Variants in PLCL1 observed in about 807,000 individuals in gnomAD.
The protein encoded by PLCL1 is phospholipase C like 1 (inactive), also known as inactive phospholipase C-like protein 1.
Under a neutral mutation model 84.4 loss-of-function variants are expected in PLCL1, and 41 were observed. That is an observed-to-expected ratio of 0.49 (90% CI 0.38 to 0.63). The LOEUF is 0.63. PLCL1 is among the 30% of genes least tolerant of loss of function. PLCL1 has a pLI of 0.00. For missense variants in PLCL1, 1,206 were observed against 1,367.8 expected (o/e 0.88, Z 1.87); for synonymous variants, 490 against 488.3 (o/e 1.00, Z -0.05).
chr2:197,822,837 T>C (rs1011597679), intron 1 of PLCL1, among the ~76,000 whole-genome samples: 7 of 152,118 alleles, frequency 4.6e-5, no homozygotes, highest in Non-Finnish European at 7.4e-5. Flanking sequence ...TCAGGAGAAT[T>C]GTTTTTCTGG....
chr2:198,102,203 CA>C (rs1273699143), intron 4 of PLCL1, among the ~76,000 whole-genome samples: 4 of 151,976 alleles, frequency 2.6e-5, no homozygotes, highest in African/African-American at 9.7e-5. Flanking sequence ...ACAGGAAGCA[CA>C]AAAATAATAA....
intron 1 of PLCL1, among the ~76,000 whole-genome samples, chr2:197,994,193 A>G (rs10177758): frequency 0.48 from 73,018 of 151,960 alleles, 17,958 homozygotes; most frequent in Middle Eastern, 0.59. Flanking sequence ...ACTTTCTCCA[A>G]ATAGTCTTCT....
Position 197,992,671 on chromosome 2 carries a change from C to T in PLCL1, c.241-91087C>T, listed in dbSNP as rs149270216. ...AACTTTTTCATTTCCCCATACTGAACGCTGAAACTGTACTCATTAAACACT... is the reference window on the plus strand; with the variant it reads ...AACTTTTTCATTTCCCCATACTGAATGCTGAAACTGTACTCATTAAACACT... On this transcript the variant is annotated intron_variant, in intron 1 of 5. Transcript: ENST00000428675. Among the ~76,000 whole-genome samples the T allele has an allele frequency of 6.3e-4, 96 of 152,286 alleles. 3 individuals carry two copies. In the South Asian group the frequency reaches 0.013, roughly 21 times the overall value.
chr2:198,007,339 C>A (rs1394958065), intron 1 of PLCL1, among the ~76,000 whole-genome samples: 1 of 152,072 alleles, frequency 6.6e-6, no homozygotes, highest in Non-Finnish European at 1.5e-5. Context: ...CCCCACCCCC[C>A]TCTTGTTTGT....
At chr2:197,926,497 C>A (rs894356142) in intron 1 of PLCL1, among the ~76,000 whole-genome samples, 2 of 152,150 alleles carry the variant, frequency 1.3e-5, no homozygotes, top group African/African-American at 4.8e-5. Context: ...TATGAGCTTT[C>A]AAACTCAAAT....
At chr2:197,982,800 G>C (rs987763394) in intron 1 of PLCL1, among the ~76,000 whole-genome samples, 3 of 152,166 alleles carry the variant, frequency 2.0e-5, no homozygotes, top group African/African-American at 7.2e-5. Context: ...AAGCCTTGGA[G>C]GACCTCGCAT....
chr2:198,070,719 C>T (rs1338984167), intron 1 of PLCL1, among the ~76,000 whole-genome samples: 2 of 151,740 alleles, frequency 1.3e-5, no homozygotes, highest in Admixed American at 6.6e-5. Context: ...AGCCCTTGAA[C>T]TCCTGGGCTC....
At position 198,058,095 on chromosome 2, in the gene PLCL1, A is replaced by G. The variant is rs372723185; in HGVS notation, c.241-25663A>G. Among the ~76,000 whole-genome samples, 2 of 152,174 alleles carry G rather than the reference A, an allele frequency of 1.3e-5. 1 individual carries two copies. The highest frequency in any genetic ancestry group is 3.9e-4 in the East Asian group (2 of 5,186). ...GAAAACTGGTTTTCGAACTGCAGAT[A>G]TAGTATGATGGTATTTTTGTAGTTG... On this transcript the variant is annotated intron_variant, in intron 1 of 5. Transcript: ENST00000428675.
At chr2:198,130,960 T>C (rs1353211088) in intron 5 of PLCL1, among the ~76,000 whole-genome samples, 1 of 152,166 alleles carries the variant, frequency 6.6e-6, no homozygotes, top group Non-Finnish European at 1.5e-5. Flanking sequence ...CTTCCAGGGC[T>C]TCCCACAGCT....
At position 197,933,598 on chromosome 2, in the gene PLCL1, A is replaced by G. The variant is rs550271791; in HGVS notation, c.240+128259A>G. Among the ~76,000 whole-genome samples, 20 of 152,284 alleles carry G rather than the reference A, an allele frequency of 1.3e-4. No homozygotes were observed. The South Asian group carries it at 4.1e-3, about 32-fold the overall frequency. ...GAAAAGGCTGTGATATTTGGGCAAA[A>G]TGAGGGTAATTGGTGAATTGACTAT... On this transcript the variant is annotated intron_variant, in intron 1 of 5. Coordinates refer to ENST00000428675, the MANE Select transcript of PLCL1 (RefSeq NM_006226.4).
intron 5 of PLCL1, among the ~76,000 whole-genome samples, chr2:198,109,767 A>G (rs1389257969): frequency 6.6e-6 from 1 of 151,866 alleles, no homozygotes; most frequent in East Asian, 1.9e-4. Context: ...AATTAGAAAG[A>G]ACCCAAGGGG....
At chr2:197,849,226 G>T (rs903912807) in intron 1 of PLCL1, among the ~76,000 whole-genome samples, 2 of 152,098 alleles carry the variant, frequency 1.3e-5, no homozygotes, top group African/African-American at 4.8e-5. Flanking sequence ...TGTCATATGT[G>T]TAATTGAAAG....
At position 198,019,358 on chromosome 2, in the gene PLCL1, T is replaced by C. The variant is rs558814320; in HGVS notation, c.241-64400T>C. Among the ~76,000 whole-genome samples, 4 of 152,204 alleles carry C rather than the reference T, an allele frequency of 2.6e-5. No individual in the cohort carries two copies. The East Asian group carries it at 7.7e-4, about 29-fold the overall frequency. On this transcript the variant is annotated intron_variant, in intron 1 of 5. Transcript: ENST00000428675. ...AAGGATTACAACTCCTTGCCAGGAA[T>C]GGGAACAAAACTGGATGGAGAATGA...
At position 197,810,899 on chromosome 2, in the gene PLCL1, C is replaced by T. The variant is rs74662056; in HGVS notation, c.240+5560C>T. ...AAAAAACTATCCGACTTTAGATGAC[C>T]AGACAGAGCTAAGAGGCAGGATCTC... On this transcript the variant is annotated intron_variant, in intron 1 of 5. Transcript: ENST00000428675. 6.3e-3 allele frequency among the ~76,000 whole-genome samples: 956 copies of T among 152,202 alleles called. 16 individuals carry two copies. The highest frequency in any genetic ancestry group is 0.022 in the African/African-American group (894 of 41,544).
At chr2:198,044,260 C>T (rs1346916490) in intron 1 of PLCL1, among the ~76,000 whole-genome samples, 1 of 152,156 alleles carries the variant, frequency 6.6e-6, no homozygotes, top group African/African-American at 2.4e-5. Flanking sequence ...TGAACTCAAC[C>T]TTGGGTTTCT....
At chr2:197,847,146 C>T (rs965386926) in intron 1 of PLCL1, among the ~76,000 whole-genome samples, 4 of 152,022 alleles carry the variant, frequency 2.6e-5, no homozygotes, top group African/African-American at 9.7e-5. Context: ...ACTGTAGAAA[C>T]CTGTGATTGT....
intron 1 of PLCL1, among the ~76,000 whole-genome samples, chr2:197,881,325 A>T (rs1687823421): frequency 6.6e-6 from 1 of 152,162 alleles, no homozygotes; most frequent in South Asian, 2.1e-4. Flanking sequence ...TTCACTAATC[A>T]GATTTTTATC....
At chr2:197,840,829 G>C (rs1420108776) in intron 1 of PLCL1, among the ~76,000 whole-genome samples, 1 of 152,132 alleles carries the variant, frequency 6.6e-6, no homozygotes, top group African/African-American at 2.4e-5. Context: ...AGTTGAGGGA[G>C]ATGGCCTACT....
chr2:197,834,542 G>A (rs183790749), intron 1 of PLCL1, among the ~76,000 whole-genome samples: 258 of 152,268 alleles, frequency 1.7e-3, no homozygotes, highest in Non-Finnish European at 2.1e-3. Context: ...ACAAACATAC[G>A]AATAAAAGCC....
Sources: allele counts gnomAD v4.1 joint callset (sites outside exome capture counted in the v4.1 genomes callset), GRCh38; gene constraint gnomAD v4.1.1; transcripts MANE v1.5; gene names NCBI Gene and HGNC (gene_info 2026-07-23, HGNC 2026-07-21).